Variants in FRMPD4 observed in about 807,000 individuals in gnomAD.
The protein encoded by FRMPD4 is FERM and PDZ domain-containing protein 4.
In FRMPD4, 22 loss-of-function variants were observed where a neutral mutation model predicts 94.1. The observed-to-expected ratio is 0.23, with a 90% confidence interval of 0.17 to 0.33. The LOEUF (loss-of-function observed/expected upper bound fraction) is 0.33. Ranked by LOEUF, FRMPD4 falls within the 10% of genes least tolerant of loss-of-function variation. The pLI is 1.00. For missense variants in FRMPD4, 1,111 were observed against 1,339.9 expected, an observed-to-expected ratio of 0.83 and a Z score of 2.67; for synonymous variants, 631 against 548.6, an observed-to-expected ratio of 1.15 and a Z score of -2.10.
chrX:12,195,567 G>A (rs1335702223), intron 1 of FRMPD4, among the ~76,000 whole-genome samples: 3 of 111,556 alleles, frequency 2.7e-5, no homozygotes, highest in Non-Finnish European at 5.7e-5. Flanking sequence ...AGAGCCCAGA[G>A]TTGTTATTGT....
Position 12,615,624 on chromosome X carries a change from G to A in FRMPD4, c.422+743G>A, listed in dbSNP as rs1453107141. Among the ~76,000 whole-genome samples, 3 of 111,145 alleles carry A rather than the reference G, an allele frequency of 2.7e-5. No homozygotes were observed. The Admixed American group carries it at 2.9e-4, about 11-fold the overall frequency. On this transcript the variant is annotated intron_variant, in intron 4 of 16. Coordinates refer to ENST00000675598, the MANE Select transcript of FRMPD4 (RefSeq NM_001368397.1). ...ATGAATGGATCCATTCATTCTATGG[G>A]AGTGTTGAGGAATAAGGAGACATGA...
chrX:12,424,157 G>A (rs1430000097), intron 1 of FRMPD4, among the ~76,000 whole-genome samples: 1 of 111,991 alleles, frequency 8.9e-6, no homozygotes, highest in Admixed American at 9.4e-5. Flanking sequence ...TATGGTTACC[G>A]GTCATAGAGT....
intron 5 of FRMPD4, among the ~76,000 whole-genome samples, chrX:12,679,132 A>G (rs1475459893): frequency 1.8e-5 from 2 of 112,107 alleles, no homozygotes; most frequent in African/African-American, 3.2e-5. Flanking sequence ...CCAATGGAGA[A>G]CACCTGTGAG....
chrX:12,082,487 T>C (rs1355844458), intron 3 of FRMPD4, among the ~76,000 whole-genome samples: 1 of 111,957 alleles, frequency 8.9e-6, no homozygotes, highest in East Asian at 2.8e-4. Flanking sequence ...TTTGGGGATG[T>C]CTTTATCAGG....
intron 13 of FRMPD4, among the ~76,000 whole-genome samples, chrX:12,709,287 A>C (rs2041939114): frequency 9.0e-6 from 1 of 111,366 alleles, no homozygotes; most frequent in African/African-American, 3.3e-5. Context: ...CCTAGGAGTG[A>C]AAGCAAGAGG....
At chrX:12,700,712 C>A in intron 9 of FRMPD4, among the ~76,000 whole-genome samples, 1 of 112,564 alleles carries the variant, frequency 8.9e-6, no homozygotes, top group East Asian at 2.8e-4. Context: ...TCCAAGGTAC[C>A]AATGTGCTGT....
chrX:12,434,509 T>C (rs948366688), intron 1 of FRMPD4, among the ~76,000 whole-genome samples: 1 of 112,411 alleles, frequency 8.9e-6, no homozygotes, highest in Non-Finnish European at 1.9e-5. Flanking sequence ...CCTTAAACTC[T>C]CCAGGAAGTG....
intron 1 of FRMPD4, among the ~76,000 whole-genome samples, chrX:12,461,425 TAA>T (rs2057389478): frequency 8.9e-6 from 1 of 112,100 alleles, no homozygotes; most frequent in African/African-American, 3.2e-5. Flanking sequence ...ATTCTCTGCC[TAA>T]AAGTTTCTCA....
intron 1 of FRMPD4, among the ~76,000 whole-genome samples, chrX:12,412,872 G>A (rs1358003343): frequency 1.8e-5 from 2 of 111,730 alleles, no homozygotes; most frequent in South Asian, 3.7e-4. Context: ...CTTTTGTATC[G>A]GGAACATCAA....
At chrX:12,190,500 A>T (rs1468395018) in intron 1 of FRMPD4, among the ~76,000 whole-genome samples, 1 of 110,667 alleles carries the variant, frequency 9.0e-6, no homozygotes, top group Non-Finnish European at 1.9e-5. Context: ...ATAAAACTAC[A>T]GTAATCAAGA....
chrX:11,883,082 G>T (rs1334972865), intron 3 of FRMPD4, among the ~76,000 whole-genome samples: 1 of 112,017 alleles, frequency 8.9e-6, no homozygotes, highest in Admixed American at 9.5e-5. Flanking sequence ...AACAGTGAAT[G>T]AAACCAAAGC....
At chrX:12,515,100 T>C (rs186842328) in intron 2 of FRMPD4, among the ~76,000 whole-genome samples, 37 of 112,053 alleles carry the variant, frequency 3.3e-4, no homozygotes, top group African/African-American at 1.2e-3. Context: ...ATCTGATTCT[T>C]CTGTCTTTTC....
chrX:12,473,171 A>C (rs1225767203), intron 1 of FRMPD4, among the ~76,000 whole-genome samples: 1 of 110,762 alleles, frequency 9.0e-6, no homozygotes, highest in Non-Finnish European at 1.9e-5. Context: ...ACATTCTTAA[A>C]GAAAAGAATT....
At position 12,723,778 on chromosome X, in the gene FRMPD4, G is replaced by A. The variant is rs759184893; in HGVS notation, c.*1920G>A. On this transcript the variant is annotated 3_prime_UTR_variant, in exon 17 of 17. Coordinates refer to ENST00000675598, the MANE Select transcript of FRMPD4 (RefSeq NM_001368397.1). ...GGAGGCAATATGGATGAGTTCTTAC[G>A]GATATGGGGTTTGGGGTCAGAAACA... 2 of 111,194 alleles carry A rather than the reference G, an allele frequency of 1.8e-5. No individual in the cohort carries two copies. Among genetic ancestry groups the A allele is most frequent in the South Asian group, 3.9e-4 (1 of 2,594 alleles). The allele number at this position is 111,194 out of a possible 1,213,427, so 9.2% of individuals were successfully genotyped here.
intron 1 of FRMPD4, among the ~76,000 whole-genome samples, chrX:12,397,025 TTC>T (rs1286055639): frequency 5.4e-5 from 6 of 111,090 alleles, no homozygotes; most frequent in African/African-American, 2.0e-4. Context: ...CTCTCAAGAG[TTC>T]ACATATGCAT....
chrX:12,045,151 C>A (rs1015005800), intron 3 of FRMPD4, among the ~76,000 whole-genome samples: 1 of 112,190 alleles, frequency 8.9e-6, no homozygotes, highest in African/African-American at 3.2e-5. Flanking sequence ...CAACCATGCT[C>A]ATTCATTTAC....
chrX:12,344,985 C>G (rs1182299458), intron 1 of FRMPD4, among the ~76,000 whole-genome samples: 2 of 112,316 alleles, frequency 1.8e-5, no homozygotes, highest in African/African-American at 6.5e-5. Context: ...AAAAGTTAAA[C>G]CTGGTAAAAA....
intron 1 of FRMPD4, among the ~76,000 whole-genome samples, chrX:12,429,766 G>C (rs890346816): frequency 3.6e-5 from 4 of 112,150 alleles, no homozygotes; most frequent in Non-Finnish European, 7.5e-5. Flanking sequence ...TCAGGTGTTG[G>C]CAATGCGATA....
At chrX:11,848,652 A>G (rs981547897) in intron 1 of FRMPD4, among the ~76,000 whole-genome samples, 7 of 110,072 alleles carry the variant, frequency 6.4e-5, no homozygotes, top group African/African-American at 2.3e-4. Flanking sequence ...TGGGATATGT[A>G]GGGTGCTCAT....
Sources: allele counts gnomAD v4.1 joint callset (sites outside exome capture counted in the v4.1 genomes callset), GRCh38; gene constraint gnomAD v4.1.1; transcripts MANE v1.5; gene names NCBI Gene and HGNC (gene_info 2026-07-23, HGNC 2026-07-21).